Variants in ARHGAP42 observed in about 807,000 individuals in gnomAD.
The protein encoded by ARHGAP42 is rho GTPase-activating protein 42.
In ARHGAP42, 63 loss-of-function variants were observed where a neutral mutation model predicts 125.0. The ratio of observed to expected loss-of-function variants is 0.50; its 90% CI spans 0.41 to 0.62. The LOEUF is 0.62. Among genes scored for constraint, ARHGAP42 ranks in the 20% least tolerant of loss-of-function variants. The pLI, the probability that ARHGAP42 is intolerant of heterozygous loss-of-function variation, is 0.00. For missense variants in ARHGAP42, 766 were observed against 1,024.2 expected (o/e 0.75, Z 3.44); for synonymous variants, 339 against 351.0 (o/e 0.97, Z 0.38).
rs369997861 is a variant in ARHGAP42 at position 100,712,795 on chromosome 11, A to T, written c.154+24963A>T. On this transcript the variant is annotated intron_variant, in intron 1 of 23. Transcript: ENST00000298815. ...TTTAAAGTCTTTACTCTTTAACTAC[A>T]TTTTTTTTCAATCCATGAACAGTAC... 3.3e-5 allele frequency among the ~76,000 whole-genome samples: 5 copies of T among 151,954 alleles called. No homozygotes were observed. The East Asian group carries it at 9.7e-4, about 29-fold the overall frequency.
intron 1 of ARHGAP42, among the ~76,000 whole-genome samples, chr11:100,750,333 A>T (rs765260906): frequency 1.3e-5 from 2 of 151,604 alleles, no homozygotes; most frequent in African/African-American, 4.9e-5. Flanking sequence ...TCTTTCCCCT[A>T]TTGGCTAGGG....
chr11:100,772,733 C>G (rs1863012168), intron 2 of ARHGAP42, among the ~76,000 whole-genome samples: 1 of 152,218 alleles, frequency 6.6e-6, no homozygotes, highest in Non-Finnish European at 1.5e-5. Flanking sequence ...GTAGTATACA[C>G]TTAGCCAGGT....
chr11:100,778,581 C>T (rs146867584), intron 2 of ARHGAP42, among the ~76,000 whole-genome samples: 280 of 151,428 alleles, frequency 1.8e-3, no homozygotes, highest in African/African-American at 6.2e-3. Context: ...TTTAAACCAC[C>T]CTTATTTTTG....
In ARHGAP42 at chr11:100,913,370, G is replaced by C. The variant is rs1308240529; in HGVS notation, c.385-82G>C. 1.8e-5 allele frequency: 8 copies of C among 448,326 alleles called. No individual in the cohort carries two copies. In the East Asian group the frequency reaches 6.3e-4, roughly 35 times the overall value. 27.8% of individuals were successfully genotyped at this position (448,326 alleles called of 1,614,324 possible). ...ACTGTCTTTATTAAATAATTACATGGGACTTTGATGGGAATGGTGAAAGTC... is the reference window on the plus strand; with the variant it reads ...ACTGTCTTTATTAAATAATTACATGCGACTTTGATGGGAATGGTGAAAGTC... On this transcript the variant is annotated intron_variant, in intron 4 of 23. Transcript: ENST00000298815.
Position 100,958,082 on chromosome 11 carries a change from G to A in ARHGAP42, c.1163-1801G>A, listed in dbSNP as rs185757452. ...TTGCAGTTTTAGTTGATATAAAAAT[G>A]CTAGTGTCTTGCTTTTACCTAGGGT... On this transcript the variant is annotated intron_variant, in intron 12 of 23. Transcript: ENST00000298815. 3.5e-4 allele frequency among the ~76,000 whole-genome samples: 53 copies of A among 150,136 alleles called. 1 individual carries two copies. Among genetic ancestry groups the A allele is most frequent in the African/African-American group, 1.3e-3 (52 of 40,800 alleles).
intron 4 of ARHGAP42, among the ~76,000 whole-genome samples, chr11:100,881,235 C>T (rs1865954715): frequency 6.6e-6 from 1 of 152,090 alleles, no homozygotes. Flanking sequence ...GATTTAAGTC[C>T]TTCTTCCATC....
At chr11:100,944,511 T>C (rs1424547333) in intron 10 of ARHGAP42, among the ~76,000 whole-genome samples, 1 of 152,114 alleles carries the variant, frequency 6.6e-6, no homozygotes, top group Non-Finnish European at 1.5e-5. Context: ...TGTGTATCCA[T>C]GTATACCCTT....
chr11:100,950,029 A>C, intron 12 of ARHGAP42, 73 bp downstream of exon 12: 2 of 936,146 alleles, frequency 2.1e-6, no homozygotes, highest in Non-Finnish European at 3.1e-6. Flanking sequence ...AGGTGATTGT[A>C]AGTATTCTGG....
intron 4 of ARHGAP42, among the ~76,000 whole-genome samples, chr11:100,877,888 C>G (rs1400789163): frequency 2.2e-4 from 34 of 151,468 alleles, no homozygotes. Context: ...GCCTGTAATC[C>G]CAGCTACTCG....
intron 1 of ARHGAP42, among the ~76,000 whole-genome samples, chr11:100,707,817 T>C (rs553035428): frequency 6.6e-6 from 1 of 152,296 alleles, no homozygotes; most frequent in Non-Finnish European, 1.5e-5. Context: ...GGTATACATG[T>C]TGTTATTGCT....
intron 22 of ARHGAP42, among the ~76,000 whole-genome samples, chr11:100,982,064 T>G (rs540526491): frequency 3.4e-4 from 52 of 152,082 alleles, no homozygotes; most frequent in Non-Finnish European, 4.4e-4. Context: ...TAGGTGAAGG[T>G]GAAGGTACCT....
chr11:100,709,247 C>G (rs934099738), intron 1 of ARHGAP42, among the ~76,000 whole-genome samples: 30 of 152,106 alleles, frequency 2.0e-4, no homozygotes, highest in African/African-American at 7.0e-4. Context: ...ACCATGTTGG[C>G]CAGGCTGGTC....
At chr11:100,921,223 ATATATATATATATATATATATATTTTTTT>A (rs1867242057) in intron 5 of ARHGAP42, among the ~76,000 whole-genome samples, 3 of 68,476 alleles carry the variant, frequency 4.4e-5, no homozygotes, top group South Asian at 1.3e-3. Context: ...ACATATATAT[ATATATATATATATATATATATATTTTTTT>A]TTTTTTTTTT....
intron 3 of ARHGAP42, among the ~76,000 whole-genome samples, chr11:100,836,800 A>G (rs1320446261): frequency 6.9e-6 from 1 of 145,282 alleles, no homozygotes; most frequent in African/African-American, 2.5e-5. Context: ...CAGTAAGCAT[A>G]TATAATGTCT....
intron 1 of ARHGAP42, among the ~76,000 whole-genome samples, chr11:100,742,547 T>A (rs761639669): frequency 1.3e-5 from 2 of 152,220 alleles, no homozygotes; most frequent in Non-Finnish European, 2.9e-5. Context: ...TAAAGCGTTC[T>A]CAGTTAAATT....
chr11:100,719,108 A>G (rs191707299), intron 1 of ARHGAP42, among the ~76,000 whole-genome samples: 13 of 152,336 alleles, frequency 8.5e-5, no homozygotes, highest in Non-Finnish European at 1.3e-4. Flanking sequence ...GACTAATTGA[A>G]AAACTTAGAA....
intron 4 of ARHGAP42, among the ~76,000 whole-genome samples, chr11:100,902,331 A>G (rs1008858100): frequency 6.6e-6 from 1 of 152,108 alleles, no homozygotes; most frequent in African/African-American, 2.4e-5. Flanking sequence ...TCATTTTTCC[A>G]TTCTTTAAGA....
At position 100,874,451 on chromosome 11, in the gene ARHGAP42, G is replaced by T. The variant is rs114987063; in HGVS notation, c.384+14826G>T. Reference sequence around the variant, plus strand: ...GTCTGTTACCTGCCAGACATTCAAGGCTTGGAAACTACAACACAATACCAG... The same window carrying T: ...GTCTGTTACCTGCCAGACATTCAAGTCTTGGAAACTACAACACAATACCAG... On this transcript the variant is annotated intron_variant, in intron 4 of 23. Coordinates refer to ENST00000298815, the MANE Select transcript of ARHGAP42 (RefSeq NM_152432.4). 6.2e-3 allele frequency among the ~76,000 whole-genome samples: 943 copies of T among 152,240 alleles called. 11 individuals carry two copies. The highest frequency in any genetic ancestry group is 0.022 in the African/African-American group (896 of 41,538).
intron 4 of ARHGAP42, 28 bp from the exon 5 acceptor site, chr11:100,913,424 A>G (rs1280100780): frequency 8.9e-7 from 1 of 1,121,090 alleles, no homozygotes; most frequent in Admixed American, 3.5e-5. Context: ...TGAGTTAAAT[A>G]TTTTTTGTTG....
Sources: allele counts gnomAD v4.1 joint callset (sites outside exome capture counted in the v4.1 genomes callset), GRCh38; gene constraint gnomAD v4.1.1; transcripts MANE v1.5; gene names NCBI Gene and HGNC (gene_info 2026-07-23, HGNC 2026-07-21).